SV2B: variants seen among roughly 807,000 people sequenced by gnomAD.
The protein encoded by SV2B is solute carrier family 22 member B2.
In SV2B, 41 loss-of-function variants were observed where a neutral mutation model predicts 73.9. The ratio of observed to expected loss-of-function variants is 0.56; its 90% CI spans 0.43 to 0.72. The LOEUF is 0.72. SV2B is among the 30% of genes least tolerant of loss of function. The pLI is 0.00. For missense variants in SV2B, 764 were observed against 857.8 expected, an observed-to-expected ratio of 0.89 and a Z score of 1.37; for synonymous variants, 314 against 314.2, an observed-to-expected ratio of 1.00 and a Z score of 0.01.
chr15:91,182,832 A>G (rs1308079804), intron 1 of SV2B, among the ~76,000 whole-genome samples: 14 of 152,236 alleles, frequency 9.2e-5, no homozygotes, highest in Admixed American at 9.2e-4. Context: ...ATATTAATTA[A>G]TCATAAACCA....
At chr15:91,255,270 C>T (rs1807548661) in intron 4 of SV2B, among the ~76,000 whole-genome samples, 1 of 152,264 alleles carries the variant, frequency 6.6e-6, no homozygotes, top group East Asian at 1.9e-4. Flanking sequence ...GGCAGAGGGG[C>T]CCCATGGTAA....
chr15:91,222,956 T>G (rs1368916640), intron 1 of SV2B, among the ~76,000 whole-genome samples: 1 of 152,244 alleles, frequency 6.6e-6, no homozygotes, highest in Non-Finnish European at 1.5e-5. Flanking sequence ...TTCCTGGGCC[T>G]GTCATAAAAA....
At position 91,268,701 on chromosome 15, in the gene SV2B, G is replaced by T; in HGVS notation, c.1373+96G>T. On this transcript the variant is annotated intron_variant, in intron 9 of 12. Transcript: ENST00000394232. This position sits in a 1 kb window ranked among gnomAD's most constrained non-coding sequence, Gnocchi z 4.4. ...GGAGGGAAGATAAGAATCAAATATG[G>T]CCGGGAATGAGCGCCAAGGCTGGTG... 6.7e-7 allele frequency: 1 copy of T among 1,481,512 alleles called. No homozygotes were observed. The highest frequency in any genetic ancestry group is 2.0e-5 in the Admixed American group (1 of 49,094). The allele number at this position is 1,481,512 out of a possible 1,614,324, so 91.8% of individuals were successfully genotyped here. A position where few individuals can be genotyped will look rare whatever the true frequency, so the allele number is the denominator to read the frequency against.
chr15:91,170,780 C>T (rs375248031), intron 1 of SV2B, among the ~76,000 whole-genome samples: 3 of 151,828 alleles, frequency 2.0e-5, no homozygotes, highest in South Asian at 2.1e-4. Flanking sequence ...AATGCTTCTA[C>T]GGAAATTTTT....
At chr15:91,116,677 G>T (rs1268412658) in intron 1 of SV2B, among the ~76,000 whole-genome samples, 2 of 152,180 alleles carry the variant, frequency 1.3e-5, no homozygotes, top group African/African-American at 2.4e-5. Context: ...TTGCAGTCTG[G>T]TCAGGCTTGT....
At chr15:91,153,641 C>A (rs1473403941) in intron 1 of SV2B, among the ~76,000 whole-genome samples, 1 of 152,116 alleles carries the variant, frequency 6.6e-6, no homozygotes, top group Non-Finnish European at 1.5e-5. Context: ...CATGCACCTG[C>A]CAAGGGCCGG....
intron 1 of SV2B, among the ~76,000 whole-genome samples, chr15:91,169,288 A>G (rs1042843653): frequency 2.0e-5 from 3 of 152,110 alleles, no homozygotes; most frequent in African/African-American, 7.2e-5. Context: ...GGCTTGTGCA[A>G]TAATGTCTTC....
chr15:91,190,402 T>C (rs1334043580), intron 1 of SV2B, among the ~76,000 whole-genome samples: 1 of 152,172 alleles, frequency 6.6e-6, no homozygotes, highest in Non-Finnish European at 1.5e-5. Context: ...CTATGTTTTA[T>C]AGTTGTGGTA....
chr15:91,257,798 T>C (rs1004276934), intron 4 of SV2B, among the ~76,000 whole-genome samples: 1 of 152,116 alleles, frequency 6.6e-6, no homozygotes, highest in Non-Finnish European at 1.5e-5. Context: ...CCCATCCCCA[T>C]CTTCATCCAG....
At chr15:91,135,179 G>A (rs1489261569) in intron 1 of SV2B, among the ~76,000 whole-genome samples, 1 of 151,934 alleles carries the variant, frequency 6.6e-6, no homozygotes, top group East Asian at 1.9e-4. Flanking sequence ...CAGATATACC[G>A]TGTATCTTTT....
At chr15:91,254,639 G>A (rs899147663) in intron 4 of SV2B, among the ~76,000 whole-genome samples, 3 of 152,136 alleles carry the variant, frequency 2.0e-5, no homozygotes, top group African/African-American at 7.2e-5. Context: ...TGTGATATGG[G>A]ACAAGTCAAT....
rs533822037 is a variant in SV2B, at chr15:91,141,978, C to G, written c.-392+41615C>G. 1.3e-5 allele frequency among the ~76,000 whole-genome samples: 2 copies of G among 152,178 alleles called. No individual in the cohort carries two copies. Among genetic ancestry groups the G allele is most frequent in the African/African-American group, 4.8e-5 (2 of 41,528 alleles). On this transcript the variant is annotated intron_variant, in intron 1 of 12. Transcript: ENST00000394232. The surrounding 1 kb of genome is among the most constrained non-coding windows in gnomAD (Gnocchi z 4.6). ...GAATGGCACAAAGAGAGCAGGGAGG[C>G]AGAGAGGTAAGATACACGGCTTTGC...
At chr15:91,151,979 T>C (rs1197547197) in intron 1 of SV2B, among the ~76,000 whole-genome samples, 1 of 152,208 alleles carries the variant, frequency 6.6e-6, no homozygotes, top group Non-Finnish European at 1.5e-5. Context: ...TTTCCTGGTA[T>C]ACTTTGCAAG....
rs116292267 is a variant in SV2B at position 91,299,944 on chromosome 15, C to G, written c.*7392C>G. 6.6e-6 allele frequency: 1 copy of G among 152,132 alleles called. No individual in the cohort carries two copies. The highest frequency in any genetic ancestry group is 1.5e-5 in the Non-Finnish European group (1 of 68,030). The allele number at this position is 152,132 out of a possible 1,614,324, so 9.4% of individuals were successfully genotyped here. A position where few individuals can be genotyped will look rare whatever the true frequency, so the allele number is the denominator to read the frequency against. On this transcript the variant is annotated 3_prime_UTR_variant, in exon 13 of 13. Coordinates refer to ENST00000394232, the MANE Select transcript of SV2B (RefSeq NM_001323032.3). The stretch of plus-strand genomic sequence containing the variant: ...ACAAATGTGAGCTACTATGCCTGGT[C>G]CCAACTTCTTAAAATTAAATTTTGG...
chr15:91,249,888 G>C (rs758037600), intron 2 of SV2B, among the ~76,000 whole-genome samples: 1 of 152,192 alleles, frequency 6.6e-6, no homozygotes, highest in Non-Finnish European at 1.5e-5. Context: ...TCTCGACGAA[G>C]AAAAGCCTAG....
In SV2B at chr15:91,118,150, G is replaced by A. The variant is rs967600316; in HGVS notation, c.-392+17787G>A. 2.0e-5 allele frequency among the ~76,000 whole-genome samples: 3 copies of A among 152,150 alleles called. No homozygotes were observed. The highest frequency in any genetic ancestry group is 4.8e-5 in the African/African-American group (2 of 41,434). On this transcript the variant is annotated intron_variant, in intron 1 of 12. Coordinates refer to ENST00000394232, the MANE Select transcript of SV2B (RefSeq NM_001323032.3). The surrounding 1 kb of genome is among the most constrained non-coding windows in gnomAD (Gnocchi z 4.7). ...TGTTCCCCATAAAACCAAGAAAAGGGCCTCCAAGAGACTCCCTTATGGGGA... is the reference window on the plus strand; with the variant it reads ...TGTTCCCCATAAAACCAAGAAAAGGACCTCCAAGAGACTCCCTTATGGGGA...
intron 9 of SV2B, among the ~76,000 whole-genome samples, chr15:91,271,972 TG>T (rs982392550): frequency 4.5e-4 from 68 of 152,354 alleles, no homozygotes; most frequent in Middle Eastern, 6.8e-3. Context: ...AATTATTTTT[TG>T]TAAACAGAGC....
intron 1 of SV2B, among the ~76,000 whole-genome samples, chr15:91,158,734 CTCTTT>C (rs2043604556): frequency 1.9e-5 from 1 of 53,740 alleles, no homozygotes; most frequent in Non-Finnish European, 3.6e-5. Flanking sequence ...CTCTCTTCTC[CTCTTT>C]TTTCTCTCTC....
intron 1 of SV2B, among the ~76,000 whole-genome samples, chr15:91,158,696 C>CTT (rs2043590152): frequency 1.2e-5 from 1 of 83,876 alleles, no homozygotes; most frequent in Non-Finnish European, 2.5e-5. Flanking sequence ...CTTCTCTTCT[C>CTT]TTCTCTCCTC....
Sources: gnomAD v4.1 joint callset for allele counts (sites outside exome capture counted in the v4.1 genomes callset) on GRCh38, gnomAD v4.1.1 for gene constraint, Gnocchi (gnomAD v3.1) non-coding constraint, MANE v1.5 for transcripts, NCBI Gene and HGNC (gene_info 2026-07-23, HGNC 2026-07-21) for gene names.